The following FAT4 variants were observed in gnomAD, a reference collection of about 807,000 sequenced individuals.
The protein encoded by FAT4 is protocadherin Fat 4.
In FAT4, 84 loss-of-function variants were observed where a neutral mutation model predicts 303.9. The observed-to-expected ratio is 0.28, with a 90% CI of 0.23 to 0.33. FAT4 has a LOEUF of 0.33. Ranked by LOEUF, FAT4 falls within the 10% of genes least tolerant of loss-of-function variation. The pLI is 1.00. For synonymous variants in FAT4, 2,307 were observed against 2,298.8 expected, an observed-to-expected ratio of 1.00 and a Z score of -0.10; for missense variants, 6,005 against 6,146.8, an observed-to-expected ratio of 0.98 and a Z score of 0.77.
At position 125,450,571 on chromosome 4, in the gene FAT4, T is replaced by A. The variant is rs1341552385; in HGVS notation, c.9561T>A (p.Ile3187=). ...ACTGCAGTGTGACCGTAAATGTGAT[T>A]GATGTGAATGATAATTCTCCAGTAT... is the stretch of plus-strand genomic sequence containing the variant. ...TGYCSVTVNV[I]DVNDNSPVFL... The change falls in exon 10 of 18, where the codon ATT becomes ATA. Residue 3187 remains isoleucine, a synonymous_variant. Transcript: ENST00000394329. 1.2e-6 allele frequency: 2 copies of A among 1,613,970 alleles called. No homozygotes were observed. The highest frequency in any genetic ancestry group is 8.5e-7 in the Non-Finnish European group (1 of 1,179,996).
intron 15 of FAT4, among the ~76,000 whole-genome samples, chr4:125,480,658 CTT>C (rs1727193956): frequency 1.3e-5 from 2 of 151,806 alleles, no homozygotes. Flanking sequence ...TCTAAAAGGT[CTT>C]AGCAGAAAGT....
chr4:125,380,173 G>A (rs777589208), intron 2 of FAT4, among the ~76,000 whole-genome samples: 9 of 152,180 alleles, frequency 5.9e-5, no homozygotes, highest in Non-Finnish European at 1.0e-4. Context: ...GATTACAGGC[G>A]TGAGCCACCG....
At position 125,448,656 on chromosome 4, in the gene FAT4, C is replaced by T. The variant is rs762295048; in HGVS notation, c.7646C>T (p.Pro2549Leu). Residue 2549 changes from proline (P) to leucine (L), a missense_variant, in exon 10 of 18, where the codon CCA becomes CTA. Physicochemically the swap from Pro to Leu is moderately conservative, Grantham distance 98. Transcript: ENST00000394329. Reference sequence around the variant, plus strand: ...CATGTAAAAGATGGTGGCTCATTTCCAAAGACAGATTCTACAACAGTGACT... The same window carrying T: ...CATGTAAAAGATGGTGGCTCATTTCTAAAGACAGATTCTACAACAGTGACT... ...SVHVKDGGSF[P>L]KTDSTTVTVR... 3 of 1,613,902 alleles carry T rather than the reference C, an allele frequency of 1.9e-6. No homozygotes were observed. Among genetic ancestry groups the T allele is most frequent in the Non-Finnish European group, 2.5e-6 (3 of 1,179,894 alleles).
chr4:125,446,580 C>A (rs768597452), intron 9 of FAT4, 37 bp downstream of exon 9: 1 of 1,526,032 alleles, frequency 6.6e-7, no homozygotes, highest in Admixed American at 1.8e-5. Context: ...TGGATATAAA[C>A]AAACTATGTA....
At position 125,448,808 on chromosome 4, in the gene FAT4, C is replaced by T. The variant is rs146482628; in HGVS notation, c.7798C>T (p.Pro2600Ser). Residue 2600 changes from proline (P) to serine (S), a missense_variant, in exon 10 of 18, where the codon CCT becomes TCT. Physicochemically the swap from Pro to Ser is moderately conservative, Grantham distance 74 (BLOSUM62 -1). Transcript: ENST00000394329. The part of the protein sequence containing the change: ...TITGSSLRGE[P>S]MSYYIASGNL... ...CACAGGATCCTCTTTAAGAGGAGAA[C>T]CTATGTCATATTATATCGCAAGTGG... 42 of 1,609,608 alleles carry T rather than the reference C, an allele frequency of 2.6e-5. 1 individual carries two copies. In the African/African-American group the frequency reaches 5.3e-4, roughly 20 times the overall value.
Position 125,484,526 on chromosome 4 carries a change from C to T in FAT4, c.12822+2788C>T, listed in dbSNP as rs140101466. On this transcript the variant is annotated intron_variant, in intron 16 of 17. Transcript: ENST00000394329. ...TAATTGGAATAAGGAATTCAAAGCT[C>T]TATAGATTCAAATTAAATAAATGAA... 6.4e-3 allele frequency among the ~76,000 whole-genome samples: 977 copies of T among 152,130 alleles called. 10 individuals are homozygous for T. The highest frequency in any genetic ancestry group is 0.023 in the African/African-American group (943 of 41,500).
chr4:125,448,310 G>C (rs1465747336), intron 9 of FAT4, 151 bp from the exon 10 acceptor site: 1 of 685,940 alleles, frequency 1.5e-6, no homozygotes, highest in Non-Finnish European at 2.3e-6. Flanking sequence ...GTGAACCTCG[G>C]AGAAAATATA....
chr4:125,450,979 T>C lies in FAT4; in HGVS notation c.9969T>C (p.Phe3323=). The change falls in exon 10 of 18, where the codon TTT becomes TTC. Residue 3323 remains phenylalanine (F), a synonymous_variant. Transcript: ENST00000394329. ...APKGTIVGEV[F]ASDRDLGTDG... Reference sequence around the variant, plus strand: ...AAGGTACTATTGTTGGAGAAGTGTTTGCTAGCGACCGTGATTTGGGCACTG... The same window carrying C: ...AAGGTACTATTGTTGGAGAAGTGTTCGCTAGCGACCGTGATTTGGGCACTG... 8 of 1,614,188 alleles carry C rather than the reference T, an allele frequency of 5.0e-6. No homozygotes were observed. The highest frequency in any genetic ancestry group is 6.8e-6 in the Non-Finnish European group (8 of 1,180,022).
At chr4:125,398,719 C>T (rs1734272223) in intron 2 of FAT4, 65 bp from the exon 3 acceptor site, 2 of 1,523,012 alleles carry the variant, frequency 1.3e-6, no homozygotes, top group Non-Finnish European at 1.8e-6. Flanking sequence ...TCCTGGTAGT[C>T]ATTTTAATTG....
chr4:125,425,032 A>G (rs949645808), intron 7 of FAT4, among the ~76,000 whole-genome samples: 1 of 152,210 alleles, frequency 6.6e-6, no homozygotes, highest in Non-Finnish European at 1.5e-5. Context: ...TTGAGATGTC[A>G]CGTAGAAAGT....
chr4:125,449,170 C>A lies in FAT4; in HGVS notation c.8160C>A (p.Ile2720=), dbSNP rs377262994. 1.9e-6 allele frequency: 3 copies of A among 1,613,828 alleles called. No homozygotes were observed. Among genetic ancestry groups the A allele is most frequent in the South Asian group, 1.1e-5 (1 of 91,080 alleles). Residue 2720 remains isoleucine, a synonymous_variant, in exon 10 of 18, where the codon ATC becomes ATA. Transcript: ENST00000394329. ...VNGNMENSFS[I]NHATGEIRSV... is the part of the protein sequence containing the mutation. ...GCAACATGGAAAATAGTTTCAGTAT[C>A]AATCATGCTACTGGTGAAATTAGAA...
At position 125,481,715 on chromosome 4, in the gene FAT4, A is replaced by C; in HGVS notation, c.12799A>C (p.Ser4267Arg). ...TGGCGTTTTAATCCATATCCAAGAAAGCAGCAATTACACTACTGTGAAGGT... is the reference window on the plus strand; with the variant it reads ...TGGCGTTTTAATCCATATCCAAGAACGCAGCAATTACACTACTGTGAAGGT... ...ENGVLIHIQESSNYTTVKIKN... is the reference protein window; with the variant it reads ...ENGVLIHIQERSNYTTVKIKN... Residue 4267 changes from serine to arginine, a missense_variant, in exon 16 of 18, where the codon AGC becomes CGC. Transcript: ENST00000394329. 6.2e-7 allele frequency: 1 copy of C among 1,614,046 alleles called. No individual in the cohort carries two copies. The highest frequency in any genetic ancestry group is 8.5e-7 in the Non-Finnish European group (1 of 1,179,886).
In FAT4 at chr4:125,321,113, A is replaced by G. The variant is rs760673911; in HGVS notation, c.4702A>G (p.Ile1568Val). The part of the protein sequence containing the change: ...GANGEIEYEI[I>V]NGDTDTFIVD... ...TAATGGAGAAATAGAGTATGAGATC[A>G]TCAATGGGGACACAGACACCTTCAT... Residue 1568 changes from isoleucine to valine, a missense_variant, in exon 2 of 18, where the codon ATC becomes GTC. Transcript: ENST00000394329. The G allele has an allele frequency of 8.7e-6, 14 of 1,614,088 alleles. No individual in the cohort carries two copies. The Admixed American group carries it at 1.8e-4, about 21-fold the overall frequency.
rs1472134947 is a variant in FAT4 at position 125,450,704 on chromosome 4, G to A, written c.9694G>A (p.Ala3232Thr). The change falls in exon 10 of 18, where the codon GCG (alanine) becomes ACG (threonine). Residue 3232 changes from alanine to threonine, a missense_variant. By Grantham distance (58) the Ala-to-Thr change is moderately conservative (BLOSUM62 0). Transcript: ENST00000394329. ...DADSGTNAVI[A>T]YTVQSSDSDL... is the part of the protein sequence containing the mutation. ...TGACTCTGGAACAAATGCTGTGATT[G>A]CGTATACTGTACAGTCATCTGACAG... The A allele has an allele frequency of 1.2e-6, 2 of 1,614,078 alleles. No individual in the cohort carries two copies. The highest frequency in any genetic ancestry group is 2.2e-5 in the East Asian group (1 of 44,850).
intron 7 of FAT4, among the ~76,000 whole-genome samples, chr4:125,427,219 T>G (rs1553970335): frequency 6.6e-6 from 1 of 151,782 alleles, no homozygotes; most frequent in Non-Finnish European, 1.5e-5. Flanking sequence ...AAGATGTACT[T>G]ATCATTACAT....
At chr4:125,404,628 A>G (rs1271472851) in intron 3 of FAT4, among the ~76,000 whole-genome samples, 1 of 152,122 alleles carries the variant, frequency 6.6e-6, no homozygotes, top group Non-Finnish European at 1.5e-5. Context: ...AATGTACAAT[A>G]CAGTATTGTT....
intron 2 of FAT4, among the ~76,000 whole-genome samples, chr4:125,344,147 A>G (rs1343870108): frequency 6.6e-6 from 1 of 152,188 alleles, no homozygotes; most frequent in African/African-American, 2.4e-5. Flanking sequence ...TTTCCAAAGC[A>G]TATCCAAGAG....
chr4:125,462,033 A>G (rs954439484), intron 10 of FAT4, among the ~76,000 whole-genome samples: 2 of 152,010 alleles, frequency 1.3e-5, no homozygotes, highest in African/African-American at 4.8e-5. Context: ...CCTTAACAAT[A>G]CAAAGGTATT....
intron 2 of FAT4, among the ~76,000 whole-genome samples, chr4:125,372,551 TTTGAGG>T (rs1345960939): frequency 1.3e-5 from 2 of 152,050 alleles, no homozygotes; most frequent in African/African-American, 4.8e-5. Context: ...ATTTGATGAA[TTTGAGG>T]TACTTAGAAC....
Sources: gnomAD v4.1 joint callset for allele counts (sites outside exome capture counted in the v4.1 genomes callset) on GRCh38, gnomAD v4.1.1 for gene constraint, MANE v1.5 for transcripts, NCBI Gene and HGNC (gene_info 2026-07-23, HGNC 2026-07-21) for gene names.